Variants in MRE11 observed in about 807,000 individuals in gnomAD.
MRE11 encodes MRE11 double strand break repair nuclease.
A neutral mutation model predicts 91.7 loss-of-function variants in MRE11; 62 were observed. The ratio of observed to expected loss-of-function variants is 0.68; its 90% CI spans 0.55 to 0.84. MRE11 has a LOEUF of 0.84. Among genes scored for constraint, MRE11 ranks in the 40% least tolerant of loss-of-function variants. MRE11 has a pLI of 0.00. For missense variants in MRE11, 796 were observed against 852.9 expected, an observed-to-expected ratio of 0.93 and a Z score of 0.83; for synonymous variants, 273 against 271.4, an observed-to-expected ratio of 1.01 and a Z score of -0.06.
At position 94,435,912 on chromosome 11, in the gene MRE11, C is replaced by CA. The variant is rs769501628; in HGVS notation, c.1927-14dup. On this transcript the variant is annotated splice_polypyrimidine_tract_variant and intron_variant, in intron 17 of 19. Coordinates refer to ENST00000323929, the MANE Select transcript of MRE11 (RefSeq NM_005591.4). ...CTACCTCAATCACCTGGCAAGGAAA[C>CA]AAAGCAACAAACAGTTTTTGTGAGA... 1.2e-6 allele frequency: 2 copies of CA among 1,611,240 alleles called. No homozygotes were observed. The highest frequency in any genetic ancestry group is 1.7e-6 in the Non-Finnish European group (2 of 1,177,892).
chr11:94,425,561 G>C (rs568307015), intron 19 of MRE11, among the ~76,000 whole-genome samples: 2 of 152,142 alleles, frequency 1.3e-5, no homozygotes, highest in Non-Finnish European at 2.9e-5. Context: ...GTGGCAAGTT[G>C]GATAAAAGGA....
intron 16 of MRE11, among the ~76,000 whole-genome samples, chr11:94,442,414 G>A (rs534738410): frequency 2.0e-5 from 3 of 152,086 alleles, no homozygotes; most frequent in Non-Finnish European, 2.9e-5. Context: ...CTACCCACTG[G>A]AGTCAAGGAA....
In MRE11 at chr11:94,438,426, C is replaced by T. The variant is rs1484354927; in HGVS notation, c.1868-1191G>A. On this transcript the variant is annotated intron_variant, in intron 16 of 19. Transcript: ENST00000323929. ...AACTTGTAATATCTAAGAGGAGAAA[C>T]GAGAGGCAGAAACAGTGTTCTTATC... 3.9e-5 allele frequency among the ~76,000 whole-genome samples: 6 copies of T among 152,138 alleles called. 1 individual carries two copies. The South Asian group carries it at 1.0e-3, about 26-fold the overall frequency.
chr11:94,444,401 G>A (rs74792822), intron 16 of MRE11, among the ~76,000 whole-genome samples: 1 of 41,898 alleles, frequency 2.4e-5, no homozygotes, highest in Non-Finnish European at 4.7e-5. Context: ...TTCTGTTTTC[G>A]TTCTGTTTTC....
chr11:94,465,901 A>G (rs1460485426), intron 10 of MRE11, among the ~76,000 whole-genome samples: 1 of 152,192 alleles, frequency 6.6e-6, no homozygotes, highest in East Asian at 1.9e-4. Flanking sequence ...GAAATTCACA[A>G]ACTGACTGGG....
At chr11:94,432,802 T>A (rs972196293) in intron 18 of MRE11, among the ~76,000 whole-genome samples, 2 of 152,212 alleles carry the variant, frequency 1.3e-5, no homozygotes, top group South Asian at 4.1e-4. Context: ...CGAGACTCCG[T>A]CTCAAAAAAC....
chr11:94,506,394 C>A, the MRE11 span, among the ~76,000 whole-genome samples: 12 of 151,876 alleles, frequency 7.9e-5, no homozygotes, highest in Non-Finnish European at 1.6e-4. Flanking sequence ...GTGTCAGTAA[C>A]TTCTTTCAAG....
chr11:94,470,602 T>TA lies in MRE11; in HGVS notation c.885dup (p.Met296TyrfsTer3). 2 of 1,613,218 alleles carry TA rather than the reference T, an allele frequency of 1.2e-6. No homozygotes were observed. Among genetic ancestry groups the TA allele is most frequent in the Non-Finnish European group, 1.7e-6 (2 of 1,179,380 alleles). On this transcript the variant is annotated frameshift_variant, in exon 9 of 20. Coordinates refer to ENST00000323929, the MANE Select transcript of MRE11 (RefSeq NM_005591.4). LOFTEE classifies it high-confidence loss of function. ...ACTGTGTGAAGAGGAATTTTATGCA[T>TA]ATTCATCTTCCTCCCTTTAATACGC...
chr11:94,463,136 T>C (rs1946465540), intron 11 of MRE11, among the ~76,000 whole-genome samples: 1 of 152,162 alleles, frequency 6.6e-6, no homozygotes, highest in African/African-American at 2.4e-5. Flanking sequence ...GAACAGACAC[T>C]TCTCAAAAGA....
intron 13 of MRE11, among the ~76,000 whole-genome samples, chr11:94,457,344 G>A (rs1342616960): frequency 6.6e-6 from 1 of 152,132 alleles, no homozygotes; most frequent in East Asian, 1.9e-4. Flanking sequence ...AAAATGGAGA[G>A]AGAAGAATGA....
At chr11:94,423,438 T>C (rs1391373495) in intron 19 of MRE11, among the ~76,000 whole-genome samples, 1 of 152,114 alleles carries the variant, frequency 6.6e-6, no homozygotes, top group Admixed American at 6.5e-5. Context: ...GGTTTTCATA[T>C]CTAAGGCAGC....
At chr11:94,499,934 T>C in the MRE11 span, among the ~76,000 whole-genome samples, 1 of 152,228 alleles carries the variant, frequency 6.6e-6, no homozygotes, top group Admixed American at 6.5e-5. Context: ...TATTAGATCA[T>C]CTCAGAAAAG....
At chr11:94,484,689 G>T (rs146617333) in intron 4 of MRE11, among the ~76,000 whole-genome samples, 1 of 152,118 alleles carries the variant, frequency 6.6e-6, no homozygotes, top group Admixed American at 6.5e-5. Flanking sequence ...GATATGATGC[G>T]ACTGAAAGGG....
At chr11:94,492,245 C>A (rs751356259) in intron 2 of MRE11, among the ~76,000 whole-genome samples, 1 of 152,088 alleles carries the variant, frequency 6.6e-6, no homozygotes, top group African/African-American at 2.4e-5. Context: ...TGCGCCACCA[C>A]GCCTGGCTAA....
chr11:94,476,240 T>C (rs1416879810), intron 7 of MRE11, 49 bp downstream of exon 7: 1 of 1,196,236 alleles, frequency 8.4e-7, no homozygotes, highest in Non-Finnish European at 1.2e-6. Flanking sequence ...AGAAACAGAT[T>C]TGGGAAGCCT....
rs116285363 is a variant in MRE11, at chr11:94,482,661, T to C, written c.315-2900A>G. ...AGTTAAAAAATGTCCCGGCTGGGTG[T>C]GGTGGCTCACGCCTATAATCTCAAC... is the stretch of plus-strand genomic sequence containing the variant. On this transcript the variant is annotated intron_variant, in intron 4 of 19. Transcript: ENST00000323929. Among the ~76,000 whole-genome samples the C allele has an allele frequency of 7.5e-3, 1,148 of 152,232 alleles. 11 individuals carry two copies. Among genetic ancestry groups the C allele is most frequent in the African/African-American group, 0.025 (1,052 of 41,544 alleles).
Position 94,419,463 on chromosome 11 carries a change from A to AGG in MRE11, c.*660_*661dup, listed in dbSNP as rs796605825. ...AGGAAGAGTGGGGAACGGGGGGGAG[A>AGG]GGGAGAGAGAGAGAGAGAGAGAGAG... On this transcript the variant is annotated 3_prime_UTR_variant, in exon 20 of 20. Transcript: ENST00000323929. The AGG allele has an allele frequency of 2.3e-3, 514 of 221,576 alleles. 1 individual carries two copies. The highest frequency in any genetic ancestry group is 8.8e-3 in the African/African-American group (374 of 42,266). 13.7% of individuals were successfully genotyped at this position (221,576 alleles called of 1,614,324 possible).
chr11:94,470,371 TCAA>T, intron 9 of MRE11, 97 bp downstream of exon 9: 1 of 1,187,286 alleles, frequency 8.4e-7, no homozygotes, highest in East Asian at 2.4e-5. Context: ...GAGAATGTAA[TCAA>T]CATAAAGGCT....
chr11:94,464,367 C>A, intron 10 of MRE11, 128 bp from the exon 11 acceptor site: 1 of 1,264,726 alleles, frequency 7.9e-7, no homozygotes, highest in Non-Finnish European at 1.1e-6. Flanking sequence ...TAATTTTCTA[C>A]AGTAGATCAT....
Sources: allele counts gnomAD v4.1 joint callset (sites outside exome capture counted in the v4.1 genomes callset), GRCh38; gene constraint gnomAD v4.1.1; transcripts MANE v1.5; gene names NCBI Gene and HGNC (gene_info 2026-07-23, HGNC 2026-07-21).